Variants in GPR107 observed in about 807,000 individuals in gnomAD.
GPR107 encodes the protein protein GPR107.
In GPR107, 31 loss-of-function variants were observed where a neutral mutation model predicts 75.5. The observed-to-expected ratio is 0.41, with a 90% confidence interval of 0.31 to 0.55. The LOEUF is 0.55. Ranked by LOEUF, GPR107 falls within the 20% of genes least tolerant of loss-of-function variation. GPR107 has a pLI of 0.26. For synonymous variants in GPR107, 267 were observed against 251.3 expected (o/e 1.06, Z -0.59); for missense variants, 572 against 665.7 (o/e 0.86, Z 1.55).
At chr9:130,077,570 C>T (rs368403149) in intron 4 of GPR107, among the ~76,000 whole-genome samples, 192 bp downstream of exon 4, 32 of 152,216 alleles carry the variant, frequency 2.1e-4, no homozygotes, top group African/African-American at 7.0e-4. Flanking sequence ...ACATGATCAC[C>T]GCCAAACAGA....
intron 9 of GPR107, among the ~76,000 whole-genome samples, chr9:130,095,004 A>AT (rs895120760): frequency 3.3e-5 from 5 of 150,906 alleles, no homozygotes; most frequent in Admixed American, 6.6e-5. Flanking sequence ...TTTATTTTTT[A>AT]TTTTTTATTT....
At chr9:130,100,830 C>G (rs1411321859) in intron 11 of GPR107, 128 bp downstream of exon 11, 2 of 724,146 alleles carry the variant, frequency 2.8e-6, no homozygotes, top group Non-Finnish European at 4.9e-6. Flanking sequence ...CCTGCCATAC[C>G]AGAGGAGTGT....
At chr9:130,130,889 A>AAAC (rs1554898977) in intron 17 of GPR107, among the ~76,000 whole-genome samples, 1 of 150,124 alleles carries the variant, frequency 6.7e-6, no homozygotes, top group African/African-American at 2.5e-5. Context: ...AAAAAAAAAA[A>AAAC]AAAACGCATG....
At chr9:130,100,285 ATT>A (rs1205504864) in intron 10 of GPR107, among the ~76,000 whole-genome samples, 1 of 152,180 alleles carries the variant, frequency 6.6e-6, no homozygotes, top group Non-Finnish European at 1.5e-5. Flanking sequence ...CTGAGAGAAA[ATT>A]GATGCTATAA....
At chr9:130,085,784 G>A (rs1350494469) in intron 6 of GPR107, among the ~76,000 whole-genome samples, 4 of 31,606 alleles carry the variant, frequency 1.3e-4, no homozygotes, top group Non-Finnish European at 2.8e-4. Flanking sequence ...CGGGGGGAAC[G>A]CAGTCTTGCT....
At chr9:130,110,181 C>T (rs567238752) in intron 14 of GPR107, among the ~76,000 whole-genome samples, 1 of 152,226 alleles carries the variant, frequency 6.6e-6, no homozygotes, top group East Asian at 1.9e-4. Context: ...ACCATTTATT[C>T]CACCTGAGGT....
chr9:130,083,330 G>A, intron 5 of GPR107: 2 of 335,810 alleles, frequency 6.0e-6, no homozygotes, highest in Non-Finnish European at 1.1e-5. Context: ...AATGAATTCT[G>A]TTGTTACTAT....
At chr9:130,116,581 C>A (rs1275896796) in intron 14 of GPR107, among the ~76,000 whole-genome samples, 1 of 152,168 alleles carries the variant, frequency 6.6e-6, no homozygotes, top group Admixed American at 6.5e-5. Context: ...CACAGCATTG[C>A]GGCTGCAGGC....
intron 1 of GPR107, among the ~76,000 whole-genome samples, chr9:130,062,057 A>G (rs946067258): frequency 6.6e-6 from 1 of 152,160 alleles, no homozygotes; most frequent in East Asian, 1.9e-4. Flanking sequence ...CCTACTTTGT[A>G]AAATAAGGAT....
chr9:130,126,836 G>C (rs1467934750), intron 15 of GPR107, among the ~76,000 whole-genome samples: 2 of 151,924 alleles, frequency 1.3e-5, no homozygotes, highest in African/African-American at 4.8e-5. Context: ...CCACCAAATA[G>C]GCACAGGTCA....
At chr9:130,058,450 A>C (rs1015906928) in intron 1 of GPR107, among the ~76,000 whole-genome samples, 6 of 151,730 alleles carry the variant, frequency 4.0e-5, no homozygotes, top group Non-Finnish European at 8.8e-5. Context: ...GTGGAATCAC[A>C]GGATGAGTAG....
intron 7 of GPR107, among the ~76,000 whole-genome samples, chr9:130,088,407 C>T (rs890078711): frequency 6.6e-6 from 1 of 152,236 alleles, no homozygotes; most frequent in Non-Finnish European, 1.5e-5. Context: ...CCTCATTGTG[C>T]TCTGTCTTTC....
intron 1 of GPR107, among the ~76,000 whole-genome samples, chr9:130,061,468 T>C (rs1021769886): frequency 2.6e-5 from 4 of 152,216 alleles, no homozygotes; most frequent in African/African-American, 9.6e-5. Context: ...CATGTTCCCA[T>C]GTCTATGGAG....
chr9:130,073,461 C>T (rs1477173172), intron 1 of GPR107, among the ~76,000 whole-genome samples: 1 of 152,192 alleles, frequency 6.6e-6, no homozygotes, highest in Non-Finnish European at 1.5e-5. Flanking sequence ...CATTGACCCA[C>T]TCTTGTAGAT....
At chr9:130,054,832 A>G (rs1432027591) in intron 1 of GPR107, among the ~76,000 whole-genome samples, 1 of 152,148 alleles carries the variant, frequency 6.6e-6, no homozygotes, top group African/African-American at 2.4e-5. Flanking sequence ...TAATCCCAAC[A>G]CTGGGAGGCC....
At chr9:130,110,020 G>A (rs1220010290) in intron 14 of GPR107, among the ~76,000 whole-genome samples, 1 of 152,178 alleles carries the variant, frequency 6.6e-6, no homozygotes, top group African/African-American at 2.4e-5. Context: ...GCTTACCTGT[G>A]TGTTTCTCTT....
intron 1 of GPR107, among the ~76,000 whole-genome samples, chr9:130,060,064 G>A (rs1030701397): frequency 1.3e-4 from 20 of 151,420 alleles, no homozygotes; most frequent in African/African-American, 4.8e-4. Flanking sequence ...GTTTTATTTC[G>A]GGGGGAGGTT....
At position 130,139,111 on chromosome 9, in the gene GPR107, C is replaced by T. The variant is rs1161804646; in HGVS notation, c.*3990C>T. 6.6e-6 allele frequency: 1 copy of T among 152,294 alleles called. No homozygotes were observed. Among genetic ancestry groups the T allele is most frequent in the Non-Finnish European group, 1.5e-5 (1 of 68,090 alleles). 9.4% of individuals were successfully genotyped at this position (152,294 alleles called of 1,614,324 possible). A position where few individuals can be genotyped will look rare whatever the true frequency, so the allele number is the denominator to read the frequency against. On this transcript the variant is annotated 3_prime_UTR_variant, in exon 18 of 18. Transcript: ENST00000347136. ...TGCTTTTCTCTGACCCGCCCCTGGC[C>T]TTGTAAGACTCACGTAAGCTAAGTC...
intron 12 of GPR107, among the ~76,000 whole-genome samples, chr9:130,101,815 C>T (rs1435094473): frequency 6.6e-6 from 1 of 152,182 alleles, no homozygotes; most frequent in Non-Finnish European, 1.5e-5. Flanking sequence ...GCACAGCTAC[C>T]CTGCTCTGCT....
Sources: gnomAD v4.1 joint callset for allele counts (sites outside exome capture counted in the v4.1 genomes callset) on GRCh38, gnomAD v4.1.1 for gene constraint, MANE v1.5 for transcripts, NCBI Gene and HGNC (gene_info 2026-07-23, HGNC 2026-07-21) for gene names.